The following RUNX2 variants were observed in gnomAD, a reference collection of about 807,000 sequenced individuals.
RUNX2 encodes the protein runt-related transcription factor 2.
A neutral mutation model predicts 51.7 loss-of-function variants in RUNX2; 10 were observed. The ratio of observed to expected loss-of-function variants is 0.19; its 90% confidence interval spans 0.12 to 0.33. RUNX2 has a LOEUF of 0.33. RUNX2 is among the 10% of genes least tolerant of loss of function. RUNX2 has a pLI of 1.00. For missense variants in RUNX2, 562 were observed against 691.3 expected (o/e 0.81, Z 2.10); for synonymous variants, 276 against 273.6 (o/e 1.01, Z -0.09).
rs367834507 is a variant in RUNX2 at position 45,462,098 on chromosome 6, T to G, written c.685+24047T>G. Among the ~76,000 whole-genome samples the G allele has an allele frequency of 1.3e-3, 198 of 152,212 alleles. 8 individuals are homozygous for G. The South Asian group carries it at 0.039, about 30-fold the overall frequency. On this transcript the variant is annotated intron_variant, in intron 5 of 8. Coordinates refer to ENST00000647337, the MANE Select transcript of RUNX2 (RefSeq NM_001024630.4). Reference sequence around the variant, plus strand: ...GCAAAATGTACAGAGAAACCCTGATTAAAAATAAAGAGAGAAAAAAGAGGT... The same window carrying G: ...GCAAAATGTACAGAGAAACCCTGATGAAAAATAAAGAGAGAAAAAAGAGGT...
intron 4 of RUNX2, among the ~76,000 whole-genome samples, chr6:45,432,657 A>G (rs2819855): frequency 0.59 from 89,320 of 151,906 alleles, 26,377 homozygotes; most frequent in African/African-American, 0.65. Flanking sequence ...CATCATCTGA[A>G]TCCATATTCA....
At chr6:45,344,202 C>G (rs1381849093) in intron 2 of RUNX2, among the ~76,000 whole-genome samples, 1 of 152,174 alleles carries the variant, frequency 6.6e-6, no homozygotes, top group African/African-American at 2.4e-5. Flanking sequence ...TAGACCATGA[C>G]AAAGTTCCTA....
chr6:45,439,892 T>C (rs752539988), intron 5 of RUNX2, among the ~76,000 whole-genome samples: 75 of 151,620 alleles, frequency 4.9e-4, no homozygotes, highest in Middle Eastern at 6.9e-3. Context: ...GAGGTTTTTG[T>C]CCAAATTAGT....
intron 7 of RUNX2, among the ~76,000 whole-genome samples, chr6:45,534,924 A>G (rs1056165602): frequency 2.0e-5 from 3 of 152,250 alleles, no homozygotes; most frequent in Admixed American, 6.5e-5. Context: ...TAAAAAAGAA[A>G]GATCATGTCC....
Position 45,512,391 on chromosome 6 carries a change from G to A in RUNX2, c.1005G>A (p.Val335=), listed in dbSNP as rs1164494556. The change falls in exon 7 of 9, where the codon GTG becomes GTA. Residue 335 remains valine, a synonymous_variant. Transcript: ENST00000647337. ...CTGGGCTTCCTGCCATCACCGATGT[G>A]CCTAGGCGCATTTCAGGTAAAGACC... ...RGTGLPAITD[V]PRRISDDDTA... 1.2e-6 allele frequency: 2 copies of A among 1,613,856 alleles called. No individual in the cohort carries two copies. Among genetic ancestry groups the A allele is most frequent in the African/African-American group, 2.7e-5 (2 of 74,880 alleles).
intron 5 of RUNX2, among the ~76,000 whole-genome samples, chr6:45,441,935 G>A (rs2150374426): frequency 6.6e-6 from 1 of 152,286 alleles, no homozygotes; most frequent in South Asian, 2.1e-4. Flanking sequence ...TTCTGTCTCT[G>A]GCAGCTGAAC....
intron 7 of RUNX2, among the ~76,000 whole-genome samples, chr6:45,537,209 C>T (rs927634912): frequency 6.6e-6 from 1 of 152,204 alleles, no homozygotes; most frequent in African/African-American, 2.4e-5. Context: ...CTGGGTCAAG[C>T]ATGGCTAATG....
At chr6:45,481,581 G>A (rs1171874065) in intron 5 of RUNX2, among the ~76,000 whole-genome samples, 1 of 152,194 alleles carries the variant, frequency 6.6e-6, no homozygotes, top group African/African-American at 2.4e-5. Context: ...GATTCACATG[G>A]TCCAGGATGG....
At chr6:45,472,330 T>C (rs573590200) in intron 5 of RUNX2, among the ~76,000 whole-genome samples, 3 of 152,306 alleles carry the variant, frequency 2.0e-5, no homozygotes, top group Non-Finnish European at 2.9e-5. Flanking sequence ...AATTTAAGTC[T>C]GGGTGTCAGG....
intron 7 of RUNX2, among the ~76,000 whole-genome samples, chr6:45,523,696 A>G (rs550711215): frequency 6.6e-6 from 1 of 152,148 alleles, no homozygotes; most frequent in South Asian, 2.1e-4. Context: ...GGACTTTGGG[A>G]GGCAGAGGTG....
intron 2 of RUNX2, among the ~76,000 whole-genome samples, chr6:45,366,451 T>C (rs1795144955): frequency 6.6e-6 from 1 of 152,172 alleles, no homozygotes; most frequent in Non-Finnish European, 1.5e-5. Flanking sequence ...GCAGTACTGA[T>C]AGCACACAGT....
chr6:45,472,042 T>C (rs1332817915), intron 5 of RUNX2, among the ~76,000 whole-genome samples: 2 of 152,224 alleles, frequency 1.3e-5, no homozygotes, highest in African/African-American at 2.4e-5. Flanking sequence ...GGTTCTTCTT[T>C]TTTTTAATTT....
intron 6 of RUNX2, among the ~76,000 whole-genome samples, chr6:45,505,528 C>G (rs574514555): frequency 5.9e-5 from 9 of 152,220 alleles, no homozygotes; most frequent in Admixed American, 2.0e-4. Flanking sequence ...ATAGCCACCC[C>G]CTTTTTGTTC....
chr6:45,422,765 T>G lies in RUNX2; in HGVS notation c.231T>G (p.Ala77=), dbSNP rs911611043. The change falls in exon 3 of 9, where the codon GCT becomes GCG. Residue 77 remains alanine (A), a synonymous_variant. Coordinates refer to ENST00000647337, the MANE Select transcript of RUNX2 (RefSeq NM_001024630.4). ...AGCAGCAGGAGGCGGCGGCGGCGGC[T>G]GCGGCGGCGGCGGCGGCTGCGGCGG... is the stretch of plus-strand genomic sequence containing the variant. ...QQQQQEAAAA[A]AAAAAAAAAA... is the part of the protein sequence containing the mutation. The G allele has an allele frequency of 1.8e-5, 24 of 1,334,634 alleles. No homozygotes were observed. The highest frequency in any genetic ancestry group is 5.8e-5 in the East Asian group (2 of 34,458). The allele number at this position is 1,334,634 out of a possible 1,614,324, so 82.7% of individuals were successfully genotyped here.
intron 2 of RUNX2, among the ~76,000 whole-genome samples, chr6:45,364,063 C>G (rs1794718348): frequency 1.3e-5 from 2 of 151,070 alleles, no homozygotes; most frequent in South Asian, 4.2e-4. Flanking sequence ...TGCAGTGAGC[C>G]AAGATTGTGC....
At chr6:45,391,149 T>G (rs1043673285) in intron 2 of RUNX2, among the ~76,000 whole-genome samples, 1 of 152,194 alleles carries the variant, frequency 6.6e-6, no homozygotes, top group Non-Finnish European at 1.5e-5. Flanking sequence ...TTTGGATGTT[T>G]ATCCACACGA....
At chr6:45,496,308 T>A (rs1009251973) in intron 6 of RUNX2, among the ~76,000 whole-genome samples, 1 of 152,154 alleles carries the variant, frequency 6.6e-6, no homozygotes, top group Non-Finnish European at 1.5e-5. Context: ...ATTCTGTTTT[T>A]CACTCATTCA....
chr6:45,344,670 T>C (rs894772388), intron 2 of RUNX2, among the ~76,000 whole-genome samples: 9 of 152,098 alleles, frequency 5.9e-5, no homozygotes, highest in Non-Finnish European at 1.2e-4. Context: ...GTTAACTTTT[T>C]AGGTAAAGTG....
chr6:45,477,850 C>G (rs1201003126), intron 5 of RUNX2, among the ~76,000 whole-genome samples: 1 of 152,200 alleles, frequency 6.6e-6, no homozygotes, highest in South Asian at 2.1e-4. Flanking sequence ...TAAAATACTT[C>G]AGTGTCTCCC....
Sources: gnomAD v4.1 joint callset for allele counts (sites outside exome capture counted in the v4.1 genomes callset) on GRCh38, gnomAD v4.1.1 for gene constraint, MANE v1.5 for transcripts, NCBI Gene and HGNC (gene_info 2026-07-23, HGNC 2026-07-21) for gene names.